PLPP3: variants seen among roughly 807,000 people sequenced by gnomAD.
PLPP3 encodes PAP2 beta.
PLPP3 carries 6 observed loss-of-function variants against 29.6 expected under a neutral mutation model. That is an observed-to-expected ratio of 0.20 (90% confidence interval 0.11 to 0.40). The LOEUF is 0.40. PLPP3 is among the 10% of genes least tolerant of loss of function. PLPP3 has a pLI of 1.00. For missense variants in PLPP3, 308 were observed against 407.7 expected, an observed-to-expected ratio of 0.76 and a Z score of 2.11; for synonymous variants, 152 against 159.7, an observed-to-expected ratio of 0.95 and a Z score of 0.36.
chr1:56,546,196 G>A (rs546154276), intron 1 of PLPP3, among the ~76,000 whole-genome samples: 1 of 152,360 alleles, frequency 6.6e-6, no homozygotes, highest in African/African-American at 2.4e-5. Flanking sequence ...CCCGCAGGGA[G>A]CATATACACA....
intron 2 of PLPP3, among the ~76,000 whole-genome samples, chr1:56,530,381 A>G (rs899684949): frequency 3.3e-5 from 5 of 152,054 alleles, no homozygotes; most frequent in African/African-American, 4.8e-5. Context: ...CTTTCCCCTA[A>G]TTGGCCCAAT....
At chr1:56,514,334 A>G (rs1200494036) in intron 4 of PLPP3, among the ~76,000 whole-genome samples, 1 of 152,092 alleles carries the variant, frequency 6.6e-6, no homozygotes, top group Non-Finnish European at 1.5e-5. Context: ...TATTCCAGGC[A>G]GAGGGGTGGC....
At chr1:56,550,609 G>C (rs1646031943) in intron 1 of PLPP3, among the ~76,000 whole-genome samples, 1 of 152,114 alleles carries the variant, frequency 6.6e-6, no homozygotes, top group South Asian at 2.1e-4. Context: ...CGAAGCCCAA[G>C]GGGGGTTCAG....
At chr1:56,516,503 G>C (rs1229234341) in intron 4 of PLPP3, among the ~76,000 whole-genome samples, 1 of 152,100 alleles carries the variant, frequency 6.6e-6, no homozygotes, top group Non-Finnish European at 1.5e-5. Flanking sequence ...GCCCTGAAAG[G>C]GTAAGTAGAG....
chr1:56,566,680 G>C (rs911557024), intron 1 of PLPP3, among the ~76,000 whole-genome samples: 1 of 152,184 alleles, frequency 6.6e-6, no homozygotes, highest in African/African-American at 2.4e-5. Context: ...AAGGTTAAGT[G>C]AGATATCATG....
At chr1:56,553,291 T>C (rs560214223) in intron 1 of PLPP3, among the ~76,000 whole-genome samples, 3 of 152,338 alleles carry the variant, frequency 2.0e-5, no homozygotes, top group South Asian at 2.1e-4. Context: ...AATATGACTA[T>C]GTCTGGGGAA....
intron 1 of PLPP3, among the ~76,000 whole-genome samples, chr1:56,543,237 A>C (rs967446464): frequency 6.6e-6 from 1 of 152,204 alleles, no homozygotes; most frequent in Non-Finnish European, 1.5e-5. Flanking sequence ...TTTAGACTTT[A>C]GGAATTGATT....
intron 1 of PLPP3, among the ~76,000 whole-genome samples, chr1:56,537,466 T>C (rs1645936534): frequency 6.6e-6 from 1 of 152,182 alleles, no homozygotes; most frequent in East Asian, 1.9e-4. Context: ...CCAAATCTCA[T>C]GATTTATGCT....
intron 1 of PLPP3, among the ~76,000 whole-genome samples, chr1:56,558,108 G>T (rs969417450): frequency 2.6e-5 from 4 of 152,208 alleles, no homozygotes; most frequent in African/African-American, 4.8e-5. Flanking sequence ...TCACGGGAGG[G>T]AGGAGAGGGA....
chr1:56,542,771 T>C (rs1034441130), intron 1 of PLPP3, among the ~76,000 whole-genome samples: 2 of 152,116 alleles, frequency 1.3e-5, no homozygotes, highest in Non-Finnish European at 2.9e-5. Context: ...TCTGTAATCC[T>C]AGCCCTTTGG....
chr1:56,546,206 A>T (rs1646005272), intron 1 of PLPP3, among the ~76,000 whole-genome samples: 1 of 152,206 alleles, frequency 6.6e-6, no homozygotes, highest in East Asian at 1.9e-4. Context: ...GCATATACAC[A>T]TTCTCCAGGA....
At chr1:56,508,980 A>G (rs1023490074) in intron 5 of PLPP3, among the ~76,000 whole-genome samples, 6 of 152,074 alleles carry the variant, frequency 3.9e-5, no homozygotes, top group Non-Finnish European at 8.8e-5. Flanking sequence ...AACATTTCCA[A>G]ACTTTTATTC....
intron 2 of PLPP3, among the ~76,000 whole-genome samples, chr1:56,525,210 G>C (rs1177956859): frequency 1.3e-5 from 2 of 152,152 alleles, no homozygotes; most frequent in Non-Finnish European, 2.9e-5. Flanking sequence ...AACATGAATG[G>C]GAAATGACCT....
At chr1:56,521,044 G>A (rs1458032529) in intron 4 of PLPP3, among the ~76,000 whole-genome samples, 1 of 151,548 alleles carries the variant, frequency 6.6e-6, no homozygotes, top group East Asian at 1.9e-4. Context: ...AACCAGCCTG[G>A]CCAACATGGC....
chr1:56,550,056 G>T (rs778499961), intron 1 of PLPP3, among the ~76,000 whole-genome samples: 1 of 152,122 alleles, frequency 6.6e-6, no homozygotes, highest in Non-Finnish European at 1.5e-5. Flanking sequence ...GCTGGGTCCG[G>T]CTGACTTTCC....
intron 4 of PLPP3, among the ~76,000 whole-genome samples, chr1:56,523,102 CT>C (rs1285482151): frequency 2.0e-5 from 3 of 152,162 alleles, no homozygotes; most frequent in African/African-American, 7.2e-5. Context: ...CTCTCTGGGC[CT>C]TGGTCTGTGG....
At chr1:56,531,293 C>T (rs151280243) in intron 2 of PLPP3, among the ~76,000 whole-genome samples, 2 of 152,298 alleles carry the variant, frequency 1.3e-5, no homozygotes, top group African/African-American at 4.8e-5. Flanking sequence ...CCCTGACTCT[C>T]CTCTTATTCT....
chr1:56,576,885 C>G (rs989014102), intron 1 of PLPP3, among the ~76,000 whole-genome samples: 2 of 152,164 alleles, frequency 1.3e-5, no homozygotes, highest in African/African-American at 4.8e-5. Context: ...ACATCCCTGG[C>G]TAAACTACAG....
chr1:56,574,282 T>C (rs932082879), intron 1 of PLPP3, among the ~76,000 whole-genome samples: 1 of 151,882 alleles, frequency 6.6e-6, no homozygotes, highest in African/African-American at 2.4e-5. Context: ...GCTTACCTAC[T>C]AAATGATCCT....
Sources: allele counts gnomAD v4.1 joint callset (sites outside exome capture counted in the v4.1 genomes callset), GRCh38; gene constraint gnomAD v4.1.1; transcripts MANE v1.5; gene names NCBI Gene and HGNC (gene_info 2026-07-23, HGNC 2026-07-21).